The following HAS3 variants were observed in gnomAD, a reference collection of about 807,000 sequenced individuals.
HAS3 encodes HA synthase 3.
A neutral mutation model predicts 50.3 loss-of-function variants in HAS3; 27 were observed. That is an observed-to-expected ratio of 0.54 (90% confidence interval 0.40 to 0.74). The LOEUF (loss-of-function observed/expected upper bound fraction) is 0.74. Ranked by LOEUF, HAS3 falls within the 30% of genes least tolerant of loss-of-function variation. The pLI, the probability that HAS3 is intolerant of heterozygous loss-of-function variation, is 0.00. For synonymous variants in HAS3, 339 were observed against 310.9 expected (o/e 1.09, Z -0.95); for missense variants, 517 against 742.8 (o/e 0.70, Z 3.53).
chr16:69,114,945 G>A lies in HAS3; in HGVS notation c.1341G>A (p.Met447Ile), dbSNP rs1255442417. The A allele has an allele frequency of 1.2e-6, 2 of 1,614,016 alleles. No individual in the cohort carries two copies. The highest frequency in any genetic ancestry group is 3.3e-5 in the Admixed American group (2 of 60,008). ...IFMSLYSLLYMSSLLPAKIFA... is the reference protein window; with the variant it reads ...IFMSLYSLLYISSLLPAKIFA... ...TGTCCCTCTACTCCCTCCTCTATAT[G>A]TCCAGCCTTCTGCCGGCCAAGATCT... Residue 447 changes from methionine to isoleucine, a missense_variant, in exon 4 of 4, where the codon ATG (methionine) becomes ATA (isoleucine). Transcript: ENST00000569188. The surrounding 1 kb of genome is among the most constrained non-coding windows in gnomAD (Gnocchi z 6.4).
In HAS3 at chr16:69,114,693, G is replaced by A. The variant is rs749591512; in HGVS notation, c.1089G>A (p.Arg363=). The part of the protein sequence containing the change: ...QQTRWSKSYF[R]EWLYNSLWFH... ...CCCGCTGGAGCAAGTCTTACTTCCG[G>A]GAGTGGCTCTACAACTCTCTGTGGT... The change falls in exon 4 of 4, where the codon CGG becomes CGA. Residue 363 remains arginine (R), a synonymous_variant. Coordinates refer to ENST00000569188, the MANE Select transcript of HAS3 (RefSeq NM_001199280.2). This position sits in a 1 kb window ranked among gnomAD's most constrained non-coding sequence, Gnocchi z 6.4. 6.2e-7 allele frequency: 1 copy of A among 1,614,050 alleles called. No homozygotes were observed. The highest frequency in any genetic ancestry group is 8.5e-7 in the Non-Finnish European group (1 of 1,180,002).
At chr16:69,105,580 C>T (rs2152253617), upstream of HAS3, 1 of 152,372 alleles carries the variant, frequency 6.6e-6, no homozygotes, top group Non-Finnish European at 1.5e-5. Context: ...GTCATCAGCG[C>T]CCCACTGCGG....
At position 69,115,554 on chromosome 16, in the gene HAS3, G is replaced by A; in HGVS notation, c.*288G>A. ...CAGTAGCCTCCTCCTGGGCTCCAGA[G>A]GGCACTCAGAAGTTGTGCTAAACCA... is the stretch of plus-strand genomic sequence containing the variant. On this transcript the variant is annotated 3_prime_UTR_variant, in exon 4 of 4. Coordinates refer to ENST00000569188, the MANE Select transcript of HAS3 (RefSeq NM_001199280.2). 5.3e-6 allele frequency: 6 copies of A among 1,133,548 alleles called. No individual in the cohort carries two copies. The highest frequency in any genetic ancestry group is 6.5e-6 in the Non-Finnish European group (6 of 924,182). The allele number at this position is 1,133,548 out of a possible 1,614,324, so 70.2% of individuals were successfully genotyped here. A position where few individuals can be genotyped will look rare whatever the true frequency, so the allele number is the denominator to read the frequency against.
chr16:69,113,655 C>G (rs764563007), intron 3 of HAS3, 113 bp downstream of exon 3: 12 of 649,920 alleles, frequency 1.8e-5, no homozygotes, highest in South Asian at 9.4e-5. Context: ...GGGGAGGTTC[C>G]TCGCTGGCAG....
At position 69,117,474 on chromosome 16, in the gene HAS3, C is replaced by T. The variant is rs1442133347; in HGVS notation, c.*2208C>T. ...ATCCCCGTTTCTTGCAAGGGAAGAG[C>T]CTTTATACAATTGGACGCATTTTGG... is the stretch of plus-strand genomic sequence containing the variant. On this transcript the variant is annotated 3_prime_UTR_variant, in exon 4 of 4. Coordinates refer to ENST00000569188, the MANE Select transcript of HAS3 (RefSeq NM_001199280.2). 13 of 984,980 alleles carry T rather than the reference C, an allele frequency of 1.3e-5. No homozygotes were observed. The highest frequency in any genetic ancestry group is 1.6e-5 in the Non-Finnish European group (13 of 829,320). The allele number at this position is 984,980 out of a possible 1,614,324, so 61.0% of individuals were successfully genotyped here. A position where few individuals can be genotyped will look rare whatever the true frequency, so the allele number is the denominator to read the frequency against.
chr16:69,115,136 C>G lies in HAS3; in HGVS notation c.1532C>G (p.Ala511Gly). The G allele has an allele frequency of 6.2e-7, 1 of 1,610,026 alleles. No homozygotes were observed. The highest frequency in any genetic ancestry group is 1.1e-5 in the South Asian group (1 of 90,418). Residue 511 changes from alanine (A) to glycine (G), a missense_variant, in exon 4 of 4, where the codon GCC (alanine) becomes GGC (glycine). Ala to Gly is a moderately conservative substitution (Grantham distance 60). Coordinates refer to ENST00000569188, the MANE Select transcript of HAS3 (RefSeq NM_001199280.2). The stretch of plus-strand genomic sequence containing the variant: ...GACCTGTTCAGTGAGACAGAGCTAG[C>G]CTTCCTTGTCTCTGGGGCTATACTG... ...CQDLFSETEL[A>G]FLVSGAILYG...
chr16:69,113,565 T>C, intron 3 of HAS3, 23 bp downstream of exon 3: 1 of 1,378,184 alleles, frequency 7.3e-7, no homozygotes, highest in Non-Finnish European at 1.0e-6. Flanking sequence ...CAGGGATATC[T>C]GTGGGGAGGG....
the HAS3 span, chr16:69,083,956 T>G: frequency 4.3e-6 from 1 of 234,288 alleles, no homozygotes; most frequent in Non-Finnish European, 8.3e-6. Context: ...CTGGTGAAAG[T>G]ATATTTTAAC....
upstream of HAS3, among the ~76,000 whole-genome samples, chr16:69,102,202 G>A (rs573083409): frequency 1.7e-4 from 26 of 152,330 alleles, no homozygotes; most frequent in South Asian, 2.3e-3. Context: ...GGGCTTCAGC[G>A]TTTGTTAAAT....
chr16:69,099,605 C>T, the HAS3 span, among the ~76,000 whole-genome samples: 4 of 152,008 alleles, frequency 2.6e-5, no homozygotes, highest in African/African-American at 7.3e-5. Flanking sequence ...GCATTACAGG[C>T]GTGAGCCACC....
chr16:69,114,453 T>TAATAC lies in HAS3; in HGVS notation c.850_851insATACA (p.Ser284AsnfsTer27), dbSNP rs1961112470. On this transcript the variant is annotated frameshift_variant, in exon 4 of 4. Transcript: ENST00000569188. LOFTEE classifies it high-confidence loss of function. The surrounding 1 kb of genome is among the most constrained non-coding windows in gnomAD (Gnocchi z 6.4). The stretch of plus-strand genomic sequence containing the variant: ...CCTACTTTGGCTGTGTGCAGTGTAT[T>TAATAC]AGTGGGCCCTTGGGCATGTACCGCA... 1.9e-6 allele frequency: 3 copies of TAATAC among 1,613,824 alleles called. No homozygotes were observed. The highest frequency in any genetic ancestry group is 2.5e-6 in the Non-Finnish European group (3 of 1,179,996).
the HAS3 span, chr16:69,085,235 C>T: frequency 6.6e-6 from 1 of 152,354 alleles, no homozygotes; most frequent in East Asian, 1.9e-4. Flanking sequence ...GTTGCACAAT[C>T]CATTTTACTT....
the HAS3 span, among the ~76,000 whole-genome samples, chr16:69,098,022 G>A: frequency 6.6e-6 from 1 of 152,124 alleles, no homozygotes; most frequent in Non-Finnish European, 1.5e-5. Flanking sequence ...ACTGTAAACT[G>A]AGGTTGTGAA....
chr16:69,103,003 ATG>A (rs35175934), upstream of HAS3, among the ~76,000 whole-genome samples: 5,915 of 138,296 alleles, frequency 0.043, 139 homozygotes, highest in Middle Eastern at 0.11. Flanking sequence ...TGGAGTGTGC[ATG>A]TGTGTGTGTG....
At chr16:69,093,531 T>TC in the HAS3 span, among the ~76,000 whole-genome samples, 1 of 144,916 alleles carries the variant, frequency 6.9e-6, no homozygotes, top group African/African-American at 2.6e-5. Context: ...ATCTTTTTTT[T>TC]TTTTTTTTTT....
At chr16:69,087,696 CTTTTTTTTTTT>C in the HAS3 span, among the ~76,000 whole-genome samples, 1 of 82,636 alleles carries the variant, frequency 1.2e-5, no homozygotes, top group Non-Finnish European at 2.4e-5. Flanking sequence ...CCGCACCCGG[CTTTTTTTTTTT>C]TTTTTTTTTT....
the HAS3 span, among the ~76,000 whole-genome samples, chr16:69,092,676 A>G: frequency 0.024 from 3,622 of 152,052 alleles, 151 homozygotes; most frequent in African/African-American, 0.082. Flanking sequence ...TTTAACCCAA[A>G]TAGCCTCAAA....
chr16:69,091,087 CAAAG>C, the HAS3 span, among the ~76,000 whole-genome samples: 1 of 152,124 alleles, frequency 6.6e-6, no homozygotes, highest in Admixed American at 6.6e-5. Context: ...ACCGTATTTC[CAAAG>C]AAAGAAAAAT....
At position 69,116,337 on chromosome 16, in the gene HAS3, GCACATATGGGAACTA is replaced by G; in HGVS notation, c.*1072_*1086del. The stretch of plus-strand genomic sequence containing the variant: ...TCAGCAGGAGGCAAGCGTGTTCTCA[GCACATATGGGAACTA>G]TGAGGAGCCTCTGATCAAATTGGCT... On this transcript the variant is annotated 3_prime_UTR_variant, in exon 4 of 4. Transcript: ENST00000569188. The G allele has an allele frequency of 1.0e-6, 1 of 985,876 alleles. No homozygotes were observed. The highest frequency in any genetic ancestry group is 1.2e-6 in the Non-Finnish European group (1 of 829,936). 61.1% of individuals were successfully genotyped at this position (985,876 alleles called of 1,614,324 possible). A position where few individuals can be genotyped will look rare whatever the true frequency, so the allele number is the denominator to read the frequency against.
Sources: gnomAD v4.1 joint callset for allele counts (sites outside exome capture counted in the v4.1 genomes callset) on GRCh38, gnomAD v4.1.1 for gene constraint, Gnocchi (gnomAD v3.1) non-coding constraint, MANE v1.5 for transcripts, NCBI Gene and HGNC (gene_info 2026-07-23, HGNC 2026-07-21) for gene names.